The following GDPD4 variants were observed in gnomAD, a reference collection of about 807,000 sequenced individuals.
GDPD4 encodes glycerophosphodiester phosphodiesterase domain containing 4.
Under a neutral mutation model 67.8 loss-of-function variants are expected in GDPD4, and 60 were observed. The observed-to-expected ratio is 0.88, with a 90% CI of 0.72 to 1.10. The LOEUF is 1.10. GDPD4 is among the 50% of genes least tolerant of loss of function. The pLI, the probability that GDPD4 is intolerant of heterozygous loss-of-function variation, is 0.00. For missense variants in GDPD4, 623 were observed against 613.9 expected, an observed-to-expected ratio of 1.01 and a Z score of -0.16; for synonymous variants, 212 against 210.9, an observed-to-expected ratio of 1.00 and a Z score of -0.04.
intron 16 of GDPD4, among the ~76,000 whole-genome samples, chr11:77,225,300 C>CAAAAAAAAA (rs34996619): frequency 2.2e-4 from 27 of 120,606 alleles, no homozygotes; most frequent in African/African-American, 7.4e-4. Flanking sequence ...GACTCTGTCT[C>CAAAAAAAAA]AAAAAAAAAA....
rs553033691 is a variant in GDPD4 at position 77,222,138 on chromosome 11, C to A, written c.1526-4824G>T. ...GTGTGTCTGCACTTGAGATGGGGCT[C>A]CTGAATACAGCACACTGATGGGTCT... On this transcript the variant is annotated intron_variant, in intron 16 of 16. Coordinates refer to ENST00000315938, the MANE Select transcript of GDPD4 (RefSeq NM_182833.3). 3.6e-4 allele frequency among the ~76,000 whole-genome samples: 55 copies of A among 152,250 alleles called. 2 individuals are homozygous for A. The South Asian group carries it at 0.011, about 31-fold the overall frequency.
At chr11:77,274,131 G>T (rs1346065659) in intron 5 of GDPD4, among the ~76,000 whole-genome samples, 1 of 152,146 alleles carries the variant, frequency 6.6e-6, no homozygotes, top group Non-Finnish European at 1.5e-5. Context: ...ATTTATCATG[G>T]TGTCCCAACT....
chr11:77,285,980 C>G (rs1959976818), intron 2 of GDPD4, among the ~76,000 whole-genome samples: 1 of 152,182 alleles, frequency 6.6e-6, no homozygotes, highest in Non-Finnish European at 1.5e-5. Flanking sequence ...CAAAACACAG[C>G]TCAGACTACT....
Position 77,227,869 on chromosome 11 carries a change from C to T in GDPD4, c.1520G>A (p.Arg507His), listed in dbSNP as rs748805250. 2.0e-5 allele frequency: 33 copies of T among 1,612,190 alleles called. No individual in the cohort carries two copies. Among genetic ancestry groups the T allele is most frequent in the African/African-American group, 5.3e-5 (4 of 74,848 alleles). The change falls in exon 16 of 17, where the codon CGC (arginine) becomes CAC (histidine). Residue 507 changes from arginine (R) to histidine (H), a missense_variant. Arg to His is a conservative substitution (Grantham distance 29). Transcript: ENST00000315938. ...GGCTAGGCCTCTGACTTTACCTGTG[C>T]GAGTGCTGGAGGTTTCAAACAATTT... ...KEKLFETSST[R>H]TDTQSGSKNE... is the part of the protein sequence containing the mutation.
chr11:77,220,338 G>A (rs1958203493), intron 16 of GDPD4, among the ~76,000 whole-genome samples: 1 of 152,084 alleles, frequency 6.6e-6, no homozygotes, highest in Admixed American at 6.5e-5. Flanking sequence ...ATTGGCTGTT[G>A]GTTTGTCATA....
intron 4 of GDPD4, among the ~76,000 whole-genome samples, chr11:77,276,672 C>T (rs993847438): frequency 1.2e-4 from 18 of 152,296 alleles, no homozygotes; most frequent in African/African-American, 4.3e-4. Context: ...TTACAATTGT[C>T]AACCACTGTT....
chr11:77,224,022 G>A (rs964278989), intron 16 of GDPD4, among the ~76,000 whole-genome samples: 1 of 152,228 alleles, frequency 6.6e-6, no homozygotes, highest in African/African-American at 2.4e-5. Flanking sequence ...TAATCTCCTG[G>A]CATGCTGTTT....
chr11:77,298,895 T>C (rs968689552), intron 1 of GDPD4, among the ~76,000 whole-genome samples: 1 of 152,076 alleles, frequency 6.6e-6, no homozygotes, highest in African/African-American at 2.4e-5. Context: ...TCATGATATA[T>C]AGGGTTAAAT....
chr11:77,216,863 G>A lies in GDPD4; in HGVS notation c.*414C>T, dbSNP rs1158609265. On this transcript the variant is annotated 3_prime_UTR_variant, in exon 17 of 17. Coordinates refer to ENST00000315938, the MANE Select transcript of GDPD4 (RefSeq NM_182833.3). ...TTTGGAAACACAGAAGGCTATGTCAGATGCAATGGAATATATTGTGACATA... is the reference window on the plus strand; with the variant it reads ...TTTGGAAACACAGAAGGCTATGTCAAATGCAATGGAATATATTGTGACATA... The A allele has an allele frequency of 3.1e-6, 2 of 653,460 alleles. No individual in the cohort carries two copies. The highest frequency in any genetic ancestry group is 3.6e-5 in the African/African-American group (2 of 55,444). The allele number at this position is 653,460 out of a possible 1,614,324, so 40.5% of individuals were successfully genotyped here. A position where few individuals can be genotyped will look rare whatever the true frequency, so the allele number is the denominator to read the frequency against.
chr11:77,255,414 A>G (rs1475794170), intron 11 of GDPD4, among the ~76,000 whole-genome samples: 3 of 152,024 alleles, frequency 2.0e-5, no homozygotes, highest in African/African-American at 7.2e-5. Context: ...AACACAAAAA[A>G]TTAGCTGGTC....
intron 11 of GDPD4, 93 bp downstream of exon 11, chr11:77,258,293 C>T: frequency 8.8e-7 from 1 of 1,140,702 alleles, no homozygotes. Flanking sequence ...GGATACTTGC[C>T]TATCTTCATC....
At chr11:77,263,140 A>T (rs1959152175) in intron 10 of GDPD4, among the ~76,000 whole-genome samples, 1 of 152,146 alleles carries the variant, frequency 6.6e-6, no homozygotes, top group Non-Finnish European at 1.5e-5. Context: ...TAATTATTAG[A>T]CAAAAAGGAA....
intron 11 of GDPD4, among the ~76,000 whole-genome samples, chr11:77,247,763 A>T (rs968691462): frequency 6.6e-6 from 1 of 152,306 alleles, no homozygotes; most frequent in Admixed American, 6.5e-5. Context: ...AAGAAATAGA[A>T]AGACAAGTCC....
intron 11 of GDPD4, among the ~76,000 whole-genome samples, chr11:77,245,718 C>G (rs541673863): frequency 6.6e-6 from 1 of 152,280 alleles, no homozygotes; most frequent in Admixed American, 6.5e-5. Flanking sequence ...TATCCTACAA[C>G]CTGTTGTATT....
chr11:77,223,578 G>T (rs1196825654), intron 16 of GDPD4, among the ~76,000 whole-genome samples: 1 of 152,184 alleles, frequency 6.6e-6, no homozygotes, highest in East Asian at 1.9e-4. Context: ...TTGTCTCAGA[G>T]GGGCACCTGG....
At chr11:77,259,633 A>T (rs1250045927) in intron 10 of GDPD4, among the ~76,000 whole-genome samples, 2 of 151,950 alleles carry the variant, frequency 1.3e-5, no homozygotes, top group Non-Finnish European at 2.9e-5. Context: ...TGAATACTGA[A>T]TTTCAGTACA....
chr11:77,237,109 G>C (rs1958583557), intron 13 of GDPD4, among the ~76,000 whole-genome samples: 1 of 152,024 alleles, frequency 6.6e-6, no homozygotes, highest in Non-Finnish European at 1.5e-5. Flanking sequence ...TAACTCTCTG[G>C]GACTATCAAA....
chr11:77,243,599 C>T (rs984752442), intron 13 of GDPD4, 95 bp downstream of exon 13: 23 of 1,082,630 alleles, frequency 2.1e-5, no homozygotes, highest in African/African-American at 4.7e-5. Flanking sequence ...ACAGAAATTC[C>T]GAGATGGAAA....
At chr11:77,235,956 T>C (rs1958556524) in intron 13 of GDPD4, among the ~76,000 whole-genome samples, 1 of 118,190 alleles carries the variant, frequency 8.5e-6, no homozygotes, top group South Asian at 2.5e-4. Flanking sequence ...ACTTTGTCTC[T>C]ATTAAAAACA....
Sources: allele counts gnomAD v4.1 joint callset (sites outside exome capture counted in the v4.1 genomes callset), GRCh38; gene constraint gnomAD v4.1.1; transcripts MANE v1.5; gene names NCBI Gene and HGNC (gene_info 2026-07-23, HGNC 2026-07-21).